The following CEP68 variants were observed in gnomAD, a reference collection of about 807,000 sequenced individuals.
CEP68 encodes the protein centrosomal protein 68.
In CEP68, 26 loss-of-function variants were observed where a neutral mutation model predicts 55.3. The observed-to-expected ratio is 0.47, with a 90% confidence interval of 0.34 to 0.65. The LOEUF (loss-of-function observed/expected upper bound fraction) is 0.65, where lower values mean the gene tolerates loss of function less well. Ranked by LOEUF, CEP68 falls within the 30% of genes least tolerant of loss-of-function variation. The pLI is 0.01. For missense variants in CEP68, 957 were observed against 946.7 expected, an observed-to-expected ratio of 1.01 and a Z score of -0.14; for synonymous variants, 402 against 383.2, an observed-to-expected ratio of 1.05 and a Z score of -0.57.
chr2:65,079,538 C>A (rs192304030), intron 5 of CEP68, among the ~76,000 whole-genome samples: 3 of 152,180 alleles, frequency 2.0e-5, no homozygotes, highest in African/African-American at 7.2e-5. Flanking sequence ...CTTTTAAGGC[C>A]TTTGTTTTGG....
Position 65,072,977 on chromosome 2 carries a change from G to A in CEP68, c.1881G>A (p.Val627=). 2 of 1,614,228 alleles carry A rather than the reference G, an allele frequency of 1.2e-6. No individual in the cohort carries two copies. The highest frequency in any genetic ancestry group is 1.1e-5 in the South Asian group (1 of 91,084). Residue 627 remains valine (V), a synonymous_variant, in exon 3 of 7, where the codon GTG becomes GTA. Coordinates refer to ENST00000377990, the MANE Select transcript of CEP68 (RefSeq NM_015147.3). The part of the protein sequence containing the change: ...EQGKESLVQC[V]KTFCCQLEEL... Reference sequence around the variant, plus strand: ...GAAAAGAATCACTGGTGCAATGTGTGAAGGTAATGACACTCAACGTTAGGA... The same window carrying A: ...GAAAAGAATCACTGGTGCAATGTGTAAAGGTAATGACACTCAACGTTAGGA...
At chr2:65,067,731 C>G (rs928691818) in intron 1 of CEP68, among the ~76,000 whole-genome samples, 6 of 152,164 alleles carry the variant, frequency 3.9e-5, no homozygotes, top group Non-Finnish European at 7.3e-5. Flanking sequence ...AGACTTACAT[C>G]TGCTGTGCAT....
At position 65,072,959 on chromosome 2, in the gene CEP68, ATCACT is replaced by A; in HGVS notation, c.1864_1868del (p.Ser622GlyfsTer20). ...GGAAAGGAGGAGAACAGGGAAAAGA[ATCACT>A]GGTGCAATGTGTGAAGGTAATGACA... On this transcript the variant is annotated frameshift_variant, in exon 3 of 7. Transcript: ENST00000377990. LOFTEE classifies it high-confidence loss of function. The A allele has an allele frequency of 6.2e-7, 1 of 1,614,242 alleles. No homozygotes were observed. The highest frequency in any genetic ancestry group is 8.5e-7 in the Non-Finnish European group (1 of 1,180,034).
In CEP68 at chr2:65,074,095, C is replaced by T. The variant is rs1676642079; in HGVS notation, c.1885-187C>T. The T allele has an allele frequency of 2.0e-5, 12 of 594,604 alleles. No individual in the cohort carries two copies. In the South Asian group the frequency reaches 2.4e-4, roughly 12 times the overall value. The allele number at this position is 594,604 out of a possible 1,614,324, so 36.8% of individuals were successfully genotyped here. On this transcript the variant is annotated intron_variant, in intron 3 of 6. Coordinates refer to ENST00000377990, the MANE Select transcript of CEP68 (RefSeq NM_015147.3). The stretch of plus-strand genomic sequence containing the variant: ...CTGTCATTTTTGATGTCACACCAGG[C>T]TGTGGTTTTCATTGCTTTGGCAGAG...
intron 5 of CEP68, 82 bp from the exon 6 acceptor site, chr2:65,082,454 G>GT (rs1668874811): frequency 7.7e-7 from 1 of 1,292,468 alleles, no homozygotes; most frequent in South Asian, 1.7e-5. Context: ...CTATACCCTT[G>GT]TATGTTCTTT....
intron 2 of CEP68, among the ~76,000 whole-genome samples, chr2:65,070,343 C>T (rs1335165167): frequency 5.3e-5 from 8 of 152,282 alleles, no homozygotes. Context: ...TCACATGGGG[C>T]AGGGAATCCT....
chr2:65,076,768 C>T (rs1455176531), intron 4 of CEP68, among the ~76,000 whole-genome samples: 1 of 151,976 alleles, frequency 6.6e-6, no homozygotes, highest in Non-Finnish European at 1.5e-5. Context: ...ACTATCACTT[C>T]AAAATGGTAA....
At chr2:65,074,469 A>G (rs766861488) in intron 4 of CEP68, 65 bp downstream of exon 4, 2 of 1,610,354 alleles carry the variant, frequency 1.2e-6, no homozygotes, top group Non-Finnish European at 1.7e-6. Context: ...CTCGATTACA[A>G]AGTAAAATCT....
intron 5 of CEP68, 58 bp downstream of exon 5, chr2:65,078,022 C>T: frequency 7.6e-7 from 1 of 1,317,948 alleles, no homozygotes; most frequent in Non-Finnish European, 1.1e-6. Context: ...GCAGCAGGCC[C>T]AGGGACCGCA....
At position 65,069,820 on chromosome 2, in the gene CEP68, C is replaced by G. The variant is rs770517220; in HGVS notation, c.357+19C>G. The G allele has an allele frequency of 3.1e-6, 5 of 1,591,678 alleles. No individual in the cohort carries two copies. The South Asian group carries it at 4.4e-5, about 14-fold the overall frequency. On this transcript the variant is annotated intron_variant, in intron 2 of 6. Transcript: ENST00000377990. ...AAGCCAGGTAGGTACTAAGGCAAGA[C>G]TGTAGATGGACCCATTGCTGTCCTT... is the stretch of plus-strand genomic sequence containing the variant.
At chr2:65,076,178 G>T (rs2103787966) in intron 4 of CEP68, among the ~76,000 whole-genome samples, 1 of 152,256 alleles carries the variant, frequency 6.6e-6, no homozygotes, top group South Asian at 2.1e-4. Flanking sequence ...CCTGTATGCA[G>T]ACTCCACGTG....
At chr2:65,073,129 C>A in intron 3 of CEP68, 149 bp downstream of exon 3, 1 of 878,486 alleles carries the variant, frequency 1.1e-6, no homozygotes, top group Non-Finnish European at 1.9e-6. Flanking sequence ...TCAGTCCTCA[C>A]AACTTTTACC....
At chr2:65,064,592 G>A (rs1207883551) in intron 1 of CEP68, among the ~76,000 whole-genome samples, 1 of 152,068 alleles carries the variant, frequency 6.6e-6, no homozygotes, top group Non-Finnish European at 1.5e-5. Context: ...AAATTAGCTG[G>A]GTGCGGTGGT....
intron 1 of CEP68, among the ~76,000 whole-genome samples, chr2:65,060,138 A>G (rs1361113653): frequency 6.6e-6 from 1 of 152,260 alleles, no homozygotes; most frequent in Non-Finnish European, 1.5e-5. Context: ...AATTAGCACA[A>G]AAAGGCAAGT....
chr2:65,083,750 C>T lies in CEP68; in HGVS notation c.*116C>T, dbSNP rs1339055324. 6.6e-6 allele frequency: 1 copy of T among 152,206 alleles called. No individual in the cohort carries two copies. The allele number at this position is 152,206 out of a possible 1,614,324, so 9.4% of individuals were successfully genotyped here. On this transcript the variant is annotated 3_prime_UTR_variant, in exon 7 of 7. Transcript: ENST00000377990. ...TCAACACTGAAGTCAAGGGGGAAAC[C>T]TTCAATATACTAGCTTTAAAATGCC...
intron 1 of CEP68, among the ~76,000 whole-genome samples, chr2:65,064,733 CAAAAA>C (rs766499382): frequency 1.1e-5 from 1 of 94,704 alleles, no homozygotes; most frequent in African/African-American, 4.2e-5. Flanking sequence ...GACTCCGTCT[CAAAAA>C]AAAAAAAAAA....
rs145925608 is a variant in CEP68 at position 65,084,083 on chromosome 2, A to G, written c.*449A>G. The G allele has an allele frequency of 4.6e-5, 7 of 152,354 alleles. No homozygotes were observed. In the East Asian group the frequency reaches 1.3e-3, roughly 29 times the overall value. 9.4% of individuals were successfully genotyped at this position (152,354 alleles called of 1,614,324 possible). A position where few individuals can be genotyped will look rare whatever the true frequency, so the allele number is the denominator to read the frequency against. The stretch of plus-strand genomic sequence containing the variant: ...TTGGCCAGAAACCTTGGGTCTTTTC[A>G]TAAAAGGAAATTTGGGCTTGTCAAT... On this transcript the variant is annotated 3_prime_UTR_variant, in exon 7 of 7. Coordinates refer to ENST00000377990, the MANE Select transcript of CEP68 (RefSeq NM_015147.3).
At chr2:65,080,650 T>C in intron 5 of CEP68, 1 of 604,038 alleles carries the variant, frequency 1.7e-6, no homozygotes, top group Non-Finnish European at 2.1e-6. Flanking sequence ...AAACCCCATC[T>C]CTACTAAAAG....
At position 65,072,147 on chromosome 2, in the gene CEP68, A is replaced by C; in HGVS notation, c.1051A>C (p.Thr351Pro). 1 of 1,613,668 alleles carries C rather than the reference A, an allele frequency of 6.2e-7. No individual in the cohort carries two copies. The highest frequency in any genetic ancestry group is 1.7e-5 in the Admixed American group (1 of 59,984). The change falls in exon 3 of 7, where the codon ACT becomes CCT. Residue 351 changes from threonine to proline, a missense_variant. Thr to Pro is a conservative substitution (Grantham distance 38). Coordinates refer to ENST00000377990, the MANE Select transcript of CEP68 (RefSeq NM_015147.3). ...TCCAGCAAGCACCCTCAAATCACCTACTAATGTCTCCCCCAACTGCCCACC... is the reference window on the plus strand; with the variant it reads ...TCCAGCAAGCACCCTCAAATCACCTCCTAATGTCTCCCCCAACTGCCCACC... ...VSPASTLKSP[T>P]NVSPNCPPAE...
Sources: gnomAD v4.1 joint callset for allele counts (sites outside exome capture counted in the v4.1 genomes callset) on GRCh38, gnomAD v4.1.1 for gene constraint, MANE v1.5 for transcripts, NCBI Gene and HGNC (gene_info 2026-07-23, HGNC 2026-07-21) for gene names.